Variants in ARHGAP24 observed in about 807,000 individuals in gnomAD.
The protein encoded by ARHGAP24 is rho GTPase-activating protein 24.
ARHGAP24 carries 50 observed loss-of-function variants against 76.4 expected under a neutral mutation model. The observed-to-expected ratio is 0.65, with a 90% CI of 0.52 to 0.83. ARHGAP24 has a LOEUF of 0.83. Ranked by LOEUF, ARHGAP24 falls within the 40% of genes least tolerant of loss-of-function variation. The pLI, the probability that ARHGAP24 is intolerant of heterozygous loss-of-function variation, is 0.00. For missense variants in ARHGAP24, 930 were observed against 914.2 expected (o/e 1.02, Z -0.22); for synonymous variants, 345 against 323.3 (o/e 1.07, Z -0.72).
In ARHGAP24 at chr4:85,809,114, G is replaced by T. The variant is rs114579669; in HGVS notation, c.268+87142G>T. On this transcript the variant is annotated intron_variant, in intron 3 of 9. Transcript: ENST00000395184. ...GAGATACCAGCCTCAGGGTCAACTG[G>T]TCTAGGATAGAAGGGCTTTCTATTA... 9.1e-3 allele frequency among the ~76,000 whole-genome samples: 1,382 copies of T among 152,242 alleles called. 7 individuals are homozygous for T. The highest frequency in any genetic ancestry group is 0.024 in the Middle Eastern group (7 of 294).
intron 2 of ARHGAP24, among the ~76,000 whole-genome samples, chr4:85,690,121 G>C (rs1313990694): frequency 6.6e-6 from 1 of 152,088 alleles, no homozygotes; most frequent in Non-Finnish European, 1.5e-5. Flanking sequence ...TGATCATATG[G>C]ATTTTAAATT....
At chr4:85,893,815 T>C (rs1733974261) in intron 3 of ARHGAP24, among the ~76,000 whole-genome samples, 1 of 151,316 alleles carries the variant, frequency 6.6e-6, no homozygotes, top group Non-Finnish European at 1.5e-5. Context: ...TGGATGAAAT[T>C]GGAAACCATC....
At chr4:85,590,526 A>G (rs1728050779) in intron 2 of ARHGAP24, among the ~76,000 whole-genome samples, 1 of 151,332 alleles carries the variant, frequency 6.6e-6, no homozygotes, top group South Asian at 2.1e-4. Context: ...CGCCTAGTTA[A>G]TTTTTGTATT....
At chr4:85,514,072 ATAAT>A (rs1724391121) in intron 1 of ARHGAP24, among the ~76,000 whole-genome samples, 1 of 152,218 alleles carries the variant, frequency 6.6e-6, no homozygotes, top group Non-Finnish European at 1.5e-5. Context: ...CCATTTAAAG[ATAAT>A]TCCTGAAACT....
At chr4:85,803,786 T>C (rs992790945) in intron 3 of ARHGAP24, among the ~76,000 whole-genome samples, 2 of 152,204 alleles carry the variant, frequency 1.3e-5, no homozygotes, top group Admixed American at 1.3e-4. Context: ...GCAAACAGTG[T>C]GCCATGGATC....
At chr4:85,601,300 A>T (rs1249653105) in intron 2 of ARHGAP24, among the ~76,000 whole-genome samples, 1 of 152,240 alleles carries the variant, frequency 6.6e-6, no homozygotes, top group Non-Finnish European at 1.5e-5. Context: ...TAAATGAATG[A>T]ATGAACAAAC....
At chr4:85,970,574 C>T (rs528768144) in intron 5 of ARHGAP24, among the ~76,000 whole-genome samples, 1 of 152,150 alleles carries the variant, frequency 6.6e-6, no homozygotes, top group Non-Finnish European at 1.5e-5. Context: ...AGCCCATGGG[C>T]CCAAAATTGA....
chr4:85,709,142 G>C (rs867073317), intron 2 of ARHGAP24, among the ~76,000 whole-genome samples: 1 of 152,000 alleles, frequency 6.6e-6, no homozygotes, highest in Non-Finnish European at 1.5e-5. Context: ...GGCATTCTAG[G>C]GCTACAATCC....
chr4:85,895,791 T>G (rs573460985), intron 3 of ARHGAP24, among the ~76,000 whole-genome samples: 1 of 152,318 alleles, frequency 6.6e-6, no homozygotes, highest in Non-Finnish European at 1.5e-5. Context: ...AAAGCCAGCT[T>G]CAGTGCTATT....
At chr4:85,665,687 G>T (rs1347377112) in intron 2 of ARHGAP24, among the ~76,000 whole-genome samples, 2 of 152,132 alleles carry the variant, frequency 1.3e-5, no homozygotes, top group Non-Finnish European at 2.9e-5. Context: ...GCTTCCTTCA[G>T]GAGCTCTTTT....
intron 2 of ARHGAP24, among the ~76,000 whole-genome samples, chr4:85,695,325 A>G (rs376723824): frequency 7.9e-5 from 12 of 152,330 alleles, no homozygotes; most frequent in African/African-American, 2.2e-4. Flanking sequence ...GTGCCCAATA[A>G]AGACAGGGTT....
chr4:85,817,454 A>G (rs1021003409), intron 3 of ARHGAP24, among the ~76,000 whole-genome samples: 4 of 152,130 alleles, frequency 2.6e-5, no homozygotes, highest in African/African-American at 4.8e-5. Flanking sequence ...TAAGGGTCCA[A>G]TTTCATTTTT....
At chr4:85,928,612 C>T (rs1292502580) in intron 4 of ARHGAP24, among the ~76,000 whole-genome samples, 4 of 152,026 alleles carry the variant, frequency 2.6e-5, no homozygotes, top group Non-Finnish European at 5.9e-5. Context: ...CGCCTGCCAC[C>T]ACATCCACCT....
intron 2 of ARHGAP24, among the ~76,000 whole-genome samples, chr4:85,680,064 T>C (rs1052551469): frequency 6.6e-6 from 1 of 152,156 alleles, no homozygotes; most frequent in Non-Finnish European, 1.5e-5. Flanking sequence ...AAATGTAGCA[T>C]GGTCATGAGA....
chr4:85,501,317 T>G (rs1376382611), intron 1 of ARHGAP24, among the ~76,000 whole-genome samples: 2 of 152,232 alleles, frequency 1.3e-5, no homozygotes, highest in Admixed American at 1.3e-4. Flanking sequence ...TCCACAATGG[T>G]TGAACTAGTT....
intron 9 of ARHGAP24, among the ~76,000 whole-genome samples, chr4:85,997,151 T>C (rs547714878): frequency 3.9e-5 from 6 of 152,316 alleles, no homozygotes; most frequent in African/African-American, 1.4e-4. Flanking sequence ...CATGAAATTA[T>C]AGAAAGTTAA....
chr4:85,695,585 T>C (rs2110021407), intron 2 of ARHGAP24, among the ~76,000 whole-genome samples: 1 of 152,308 alleles, frequency 6.6e-6, no homozygotes, highest in South Asian at 2.1e-4. Flanking sequence ...GGATTTGTAC[T>C]CAATTTGATT....
At chr4:85,899,449 T>C (rs540677194) in intron 3 of ARHGAP24, among the ~76,000 whole-genome samples, 1 of 152,324 alleles carries the variant, frequency 6.6e-6, no homozygotes, top group African/African-American at 2.4e-5. Flanking sequence ...TTTTCTTTAC[T>C]TTTATATGAA....
chr4:85,520,897 A>T (rs1724716421), intron 1 of ARHGAP24, among the ~76,000 whole-genome samples: 1 of 152,206 alleles, frequency 6.6e-6, no homozygotes, highest in Admixed American at 6.6e-5. Flanking sequence ...GTAGATGAGA[A>T]TCACTCAAAT....
Sources: allele counts gnomAD v4.1 joint callset (sites outside exome capture counted in the v4.1 genomes callset), GRCh38; gene constraint gnomAD v4.1.1; transcripts MANE v1.5; gene names NCBI Gene and HGNC (gene_info 2026-07-23, HGNC 2026-07-21).